GPN3: variants seen among roughly 807,000 people sequenced by gnomAD.
GPN3 encodes the protein ATP-binding domain 1 family member C.
Under a neutral mutation model 38.7 loss-of-function variants are expected in GPN3, and 31 were observed. The ratio of observed to expected loss-of-function variants is 0.80; its 90% confidence interval spans 0.60 to 1.08. The LOEUF (loss-of-function observed/expected upper bound fraction) is 1.08, where lower values mean the gene tolerates loss of function less well. GPN3 is among the 50% of genes least tolerant of loss of function. GPN3 has a pLI of 0.00. For missense variants in GPN3, 301 were observed against 354.4 expected (o/e 0.85, Z 1.21); for synonymous variants, 116 against 120.2 (o/e 0.96, Z 0.23).
intron 1 of GPN3, among the ~76,000 whole-genome samples, chr12:110,467,519 G>T (rs1278515070): frequency 6.6e-6 from 1 of 152,128 alleles, no homozygotes; most frequent in Non-Finnish European, 1.5e-5. Flanking sequence ...CTGAGACTAA[G>T]AACTGCTCTC....
Position 110,465,288 on chromosome 12 carries a change from T to C in GPN3, c.49-74A>G. The C allele has an allele frequency of 3.5e-6, 3 of 852,336 alleles. No homozygotes were observed. In the South Asian group the frequency reaches 4.0e-5, roughly 11 times the overall value. 52.8% of individuals were successfully genotyped at this position (852,336 alleles called of 1,614,324 possible). ...CTACCTTCCATACTCTGGAATACTA[T>C]CCACTAAGGTCAAAACTATGCCTTC... On this transcript the variant is annotated intron_variant, in intron 1 of 7. Transcript: ENST00000228827.
At chr12:110,455,505 C>T in intron 6 of GPN3, 81 bp downstream of exon 6, 1 of 698,890 alleles carries the variant, frequency 1.4e-6, no homozygotes, top group East Asian at 2.5e-5. Context: ...CTCAATCTTG[C>T]TGCCTTGGCC....
chr12:110,468,427 A>G, upstream of GPN3: 3 of 1,534,858 alleles, frequency 2.0e-6, no homozygotes, highest in Non-Finnish European at 2.6e-6. Context: ...GCGCAAAAGT[A>G]GTTGATGGAA....
rs1013292995 is a variant in GPN3, at chr12:110,467,306, T to C, written c.48+850A>G. On this transcript the variant is annotated intron_variant, in intron 1 of 7. Transcript: ENST00000228827. ...CGCCTGGCTATGTTTCCCACACATATGTTATTTGATCCATATCTTCACCAT... is the reference window on the plus strand; with the variant it reads ...CGCCTGGCTATGTTTCCCACACATACGTTATTTGATCCATATCTTCACCAT... 5.3e-5 allele frequency among the ~76,000 whole-genome samples: 8 copies of C among 152,328 alleles called. No homozygotes were observed. The East Asian group carries it at 1.3e-3, about 26-fold the overall frequency.
At chr12:110,464,050 G>A (rs906752373) in intron 2 of GPN3, among the ~76,000 whole-genome samples, 1 of 151,846 alleles carries the variant, frequency 6.6e-6, no homozygotes, top group Non-Finnish European at 1.5e-5. Flanking sequence ...GCCCAGGCTG[G>A]ACTTGAACTC....
Position 110,453,874 on chromosome 12 carries a change from A to G in GPN3, c.664-3T>C, listed in dbSNP as rs980224118. 3 of 1,597,388 alleles carry G rather than the reference A, an allele frequency of 1.9e-6. No homozygotes were observed. The highest frequency in any genetic ancestry group is 2.7e-5 in the African/African-American group (2 of 74,332). ...CGAACCATGCTGTAGTCATCAATCT[A>G]CAAGTTGTGGATTTCAAGAAAAGTT... On this transcript the variant is annotated splice_region_variant and splice_polypyrimidine_tract_variant and intron_variant, in intron 6 of 7. Transcript: ENST00000228827.
chr12:110,459,223 T>C (rs1008323460), intron 3 of GPN3, among the ~76,000 whole-genome samples: 10 of 151,720 alleles, frequency 6.6e-5, no homozygotes, highest in Non-Finnish European at 7.4e-5. Context: ...AAGCACTTAA[T>C]AGATATACTT....
At chr12:110,457,457 CAAAAAAAAAAAAAAAA>C (rs56713819) in intron 4 of GPN3, 37 bp downstream of exon 4, 3 of 589,386 alleles carry the variant, frequency 5.1e-6, no homozygotes, top group South Asian at 4.9e-5. Context: ...GTCACACACA[CAAAAAAAAAAAAAAAA>C]AAAAAAAAAA....
At chr12:110,455,219 G>C (rs889183515) in intron 6 of GPN3, among the ~76,000 whole-genome samples, 3 of 151,932 alleles carry the variant, frequency 2.0e-5, no homozygotes, top group Non-Finnish European at 4.4e-5. Context: ...CGCCTCCCGA[G>C]TTCAAGTGAT....
intron 2 of GPN3, among the ~76,000 whole-genome samples, chr12:110,460,751 G>A (rs2062580950): frequency 6.6e-6 from 1 of 152,212 alleles, no homozygotes; most frequent in Non-Finnish European, 1.5e-5. Context: ...GGGATCATGA[G>A]ATCAGGAGTT....
Position 110,452,789 on chromosome 12 carries a change from G to T in GPN3, c.*245C>A. 1 of 413,846 alleles carries T rather than the reference G, an allele frequency of 2.4e-6. No individual in the cohort carries two copies. The allele number at this position is 413,846 out of a possible 1,614,324, so 25.6% of individuals were successfully genotyped here. On this transcript the variant is annotated 3_prime_UTR_variant, in exon 8 of 8. Coordinates refer to ENST00000228827, the MANE Select transcript of GPN3 (RefSeq NM_016301.4). ...TGCTAATTTATATATAAATCTATGT[G>T]CATTCATTTCAATTTTGACTTACAA...
At position 110,459,812 on chromosome 12, in the gene GPN3, G is replaced by T; in HGVS notation, c.208C>A (p.Arg70=). 6.2e-7 allele frequency: 1 copy of T among 1,613,544 alleles called. No individual in the cohort carries two copies. Among genetic ancestry groups the T allele is most frequent in the Non-Finnish European group, 8.5e-7 (1 of 1,179,492 alleles). ...VDDVMEDDSL[R]FGPNGGLVFC... ...ACCAATCCTCCGTTGGGACCGAATC[G>T]CAGAGAATCATCCTCCATTACATCA... is the stretch of plus-strand genomic sequence containing the variant. Residue 70 remains arginine, a synonymous_variant, in exon 3 of 8, where the codon CGA becomes AGA. Transcript: ENST00000228827.
chr12:110,468,614 G>T (rs772105580), upstream of GPN3: 9 of 1,537,168 alleles, frequency 5.9e-6, no homozygotes, highest in Admixed American at 1.4e-4. Context: ...GAAGTGGAAG[G>T]CACCTCTTGT....
chr12:110,467,836 G>A (rs187789521), intron 1 of GPN3, among the ~76,000 whole-genome samples: 11 of 152,232 alleles, frequency 7.2e-5, no homozygotes, highest in Admixed American at 5.9e-4. Flanking sequence ...TTTTTGCGGG[G>A]CAAAGAACTT....
At chr12:110,467,984 A>G (rs547344805) in intron 1 of GPN3, 172 bp downstream of exon 1, 1 of 909,418 alleles carries the variant, frequency 1.1e-6, no homozygotes, top group Admixed American at 1.9e-5. Context: ...AACTACCATT[A>G]TTTCCCTTTC....
chr12:110,465,937 C>T (rs945320034), intron 1 of GPN3, among the ~76,000 whole-genome samples: 2 of 151,938 alleles, frequency 1.3e-5, no homozygotes, highest in East Asian at 1.9e-4. Context: ...ATTAGCTGGG[C>T]GTGGTGGCGT....
At position 110,458,881 on chromosome 12, in the gene GPN3, CTTTG is replaced by C. The variant is rs2062567757; in HGVS notation, c.325+810_325+813del. Reference sequence around the variant, plus strand: ...CAGTCACACCTCATGACAATTGCCTCTTTGTTTATTATGCTCCAGCCACACTGGC... The same window carrying C: ...CAGTCACACCTCATGACAATTGCCTCTTTATTATGCTCCAGCCACACTGGC... On this transcript the variant is annotated intron_variant, in intron 3 of 7. Transcript: ENST00000228827. This position sits in a 1 kb window ranked among gnomAD's most constrained non-coding sequence, Gnocchi z 4.4. Among the ~76,000 whole-genome samples the C allele has an allele frequency of 6.6e-6, 1 of 152,150 alleles. No homozygotes were observed. Among genetic ancestry groups the C allele is most frequent in the African/African-American group, 2.4e-5 (1 of 41,440 alleles).
chr12:110,454,541 G>A lies in GPN3; in HGVS notation c.664-670C>T, dbSNP rs546877069. ...CTAATTTTGTATTTTTAGTACAGAC[G>A]GGGTTTCACCATGTTGGTCAGCCTG... On this transcript the variant is annotated intron_variant, in intron 6 of 7. Coordinates refer to ENST00000228827, the MANE Select transcript of GPN3 (RefSeq NM_016301.4). 2.0e-5 allele frequency among the ~76,000 whole-genome samples: 3 copies of A among 151,850 alleles called. 1 individual carries two copies. Among genetic ancestry groups the A allele is most frequent in the African/African-American group, 7.2e-5 (3 of 41,410 alleles).
chr12:110,455,810 C>T lies in GPN3; in HGVS notation c.566+5G>A, dbSNP rs776539365. ...CTGATAATAATGGAAGAACAGTGAACTCACTTCTCAATTTCCTTTTTTGCT... is the reference window on the plus strand; with the variant it reads ...CTGATAATAATGGAAGAACAGTGAATTCACTTCTCAATTTCCTTTTTTGCT... On this transcript the variant is annotated splice_donor_5th_base_variant and intron_variant, in intron 5 of 7. Transcript: ENST00000228827. The T allele has an allele frequency of 8.8e-6, 12 of 1,369,298 alleles. No individual in the cohort carries two copies. The highest frequency in any genetic ancestry group is 1.3e-5 in the Non-Finnish European group (12 of 956,504). The allele number at this position is 1,369,298 out of a possible 1,614,324, so 84.8% of individuals were successfully genotyped here. A position where few individuals can be genotyped will look rare whatever the true frequency, so the allele number is the denominator to read the frequency against.
Sources: gnomAD v4.1 joint callset for allele counts (sites outside exome capture counted in the v4.1 genomes callset) on GRCh38, gnomAD v4.1.1 for gene constraint, Gnocchi (gnomAD v3.1) non-coding constraint, MANE v1.5 for transcripts, NCBI Gene and HGNC (gene_info 2026-07-23, HGNC 2026-07-21) for gene names.